The following TEAD1 variants were observed in gnomAD, a reference collection of about 807,000 sequenced individuals.
TEAD1 encodes the protein TEA domain transcription factor 1, also known as transcriptional enhancer factor TEF-1.
TEAD1 carries 9 observed loss-of-function variants against 54.9 expected under a neutral mutation model. The observed-to-expected ratio is 0.16, with a 90% confidence interval of 0.10 to 0.29. The LOEUF is 0.29. TEAD1 is among the 10% of genes least tolerant of loss of function. The pLI is 1.00. For synonymous variants in TEAD1, 200 were observed against 187.8 expected (o/e 1.07, Z -0.53); for missense variants, 387 against 535.9 (o/e 0.72, Z 2.74).
chr11:12,739,399 T>C (rs774224536), intron 2 of TEAD1, among the ~76,000 whole-genome samples: 3 of 152,202 alleles, frequency 2.0e-5, no homozygotes, highest in African/African-American at 4.8e-5. Flanking sequence ...CAGAACTCTT[T>C]TTATCTGCAA....
At chr11:12,886,153 T>A (rs959114749) in intron 9 of TEAD1, among the ~76,000 whole-genome samples, 1 of 152,226 alleles carries the variant, frequency 6.6e-6, no homozygotes, top group Non-Finnish European at 1.5e-5. Context: ...GTGATGAAGC[T>A]GAAGTGTATG....
At chr11:12,797,019 A>G (rs1198438769) in intron 3 of TEAD1, among the ~76,000 whole-genome samples, 1 of 152,166 alleles carries the variant, frequency 6.6e-6, no homozygotes, top group Non-Finnish European at 1.5e-5. Context: ...AGGCTGAGGC[A>G]GGAGAATGGC....
chr11:12,691,970 A>G (rs575548647), intron 2 of TEAD1, among the ~76,000 whole-genome samples: 4 of 152,304 alleles, frequency 2.6e-5, no homozygotes, highest in Admixed American at 6.5e-5. Context: ...TCACTAGTCT[A>G]TTATTTTTAT....
At position 12,807,877 on chromosome 11, in the gene TEAD1, G is replaced by A. The variant is rs183195165; in HGVS notation, c.202+43443G>A. Among the ~76,000 whole-genome samples the A allele has an allele frequency of 5.9e-5, 9 of 152,242 alleles. No homozygotes were observed. In the East Asian group the frequency reaches 1.5e-3, roughly 26 times the overall value. On this transcript the variant is annotated intron_variant, in intron 3 of 12. Coordinates refer to ENST00000527636, the MANE Select transcript of TEAD1 (RefSeq NM_021961.6). ...TGGGTGCTGTGGTTGCTGTGTCCCC[G>A]CCTTCCATCCTAGGTAGCAGATGGT... is the stretch of plus-strand genomic sequence containing the variant.
chr11:12,906,242 T>C (rs891251812), intron 10 of TEAD1, among the ~76,000 whole-genome samples: 5 of 152,136 alleles, frequency 3.3e-5, no homozygotes, highest in Non-Finnish European at 5.9e-5. Flanking sequence ...AGATCACTCA[T>C]GTTAAATGTA....
chr11:12,928,124 A>G (rs2581565), intron 11 of TEAD1, among the ~76,000 whole-genome samples: 120,524 of 152,096 alleles, frequency 0.79, 47,975 homozygotes, highest in East Asian at 0.97. Flanking sequence ...AGTTGTTGAC[A>G]TAACAAGTTA....
intron 3 of TEAD1, among the ~76,000 whole-genome samples, chr11:12,821,837 CAT>C (rs771422214): frequency 1.7e-4 from 26 of 151,932 alleles, no homozygotes; most frequent in Non-Finnish European, 2.2e-4. Flanking sequence ...ATGGAACACA[CAT>C]GTCAGCTCGT....
rs993148244 is a variant in TEAD1 at position 12,943,530 on chromosome 11, T to A, written c.*6308T>A. ...GCCGTAACTTCTTTTCCTCTGTGAA[T>A]TTGCATTGAGTCACTCATGCTACAC... is the stretch of plus-strand genomic sequence containing the variant. On this transcript the variant is annotated 3_prime_UTR_variant, in exon 13 of 13. Coordinates refer to ENST00000527636, the MANE Select transcript of TEAD1 (RefSeq NM_021961.6). 3 of 152,456 alleles carry A rather than the reference T, an allele frequency of 2.0e-5. No homozygotes were observed. The highest frequency in any genetic ancestry group is 2.0e-4 in the Admixed American group (3 of 15,290). The allele number at this position is 152,456 out of a possible 1,614,324, so 9.4% of individuals were successfully genotyped here.
At chr11:12,800,465 G>C (rs1432263008) in intron 3 of TEAD1, among the ~76,000 whole-genome samples, 1 of 152,162 alleles carries the variant, frequency 6.6e-6, no homozygotes, top group African/African-American at 2.4e-5. Flanking sequence ...ATACCAGCTG[G>C]GGAGACTGAC....
At chr11:12,808,312 A>T (rs1276643408) in intron 3 of TEAD1, among the ~76,000 whole-genome samples, 1 of 152,092 alleles carries the variant, frequency 6.6e-6, no homozygotes, top group Non-Finnish European at 1.5e-5. Flanking sequence ...AGGGCAGCAG[A>T]CTTTCCACCA....
At chr11:12,804,020 C>G (rs1946118604) in intron 3 of TEAD1, among the ~76,000 whole-genome samples, 1 of 152,090 alleles carries the variant, frequency 6.6e-6, no homozygotes, top group African/African-American at 2.4e-5. Context: ...TAATTAGATG[C>G]CTAAGTATGT....
intron 3 of TEAD1, among the ~76,000 whole-genome samples, chr11:12,803,175 C>T (rs1162283159): frequency 6.6e-6 from 1 of 151,982 alleles, no homozygotes; most frequent in South Asian, 2.1e-4. Context: ...TTTTTCCCCC[C>T]TTTCCCCGAG....
intron 10 of TEAD1, among the ~76,000 whole-genome samples, chr11:12,919,642 T>A (rs1459794966): frequency 6.6e-6 from 1 of 151,758 alleles, no homozygotes; most frequent in Non-Finnish European, 1.5e-5. Flanking sequence ...TACAGGCACA[T>A]GCCACCATGT....
At chr11:12,786,613 CAT>C (rs1347044123) in intron 3 of TEAD1, among the ~76,000 whole-genome samples, 2 of 152,194 alleles carry the variant, frequency 1.3e-5, no homozygotes, top group African/African-American at 4.8e-5. Flanking sequence ...ACCTCTGGGG[CAT>C]GGTTTCACAG....
chr11:12,817,764 C>T (rs1946446108), intron 3 of TEAD1, among the ~76,000 whole-genome samples: 1 of 152,196 alleles, frequency 6.6e-6, no homozygotes, highest in Non-Finnish European at 1.5e-5. Context: ...TAGCCCAGCA[C>T]ATGGACAGAG....
chr11:12,921,489 A>G (rs1589991466), intron 10 of TEAD1, among the ~76,000 whole-genome samples: 5 of 150,716 alleles, frequency 3.3e-5, no homozygotes, highest in Admixed American at 2.7e-4. Flanking sequence ...GCGGTGAGCC[A>G]AGATCGTGCC....
At chr11:12,861,961 G>T (rs1040722654) in intron 3 of TEAD1, among the ~76,000 whole-genome samples, 1 of 151,168 alleles carries the variant, frequency 6.6e-6, no homozygotes, top group Non-Finnish European at 1.5e-5. Context: ...ACTCCAGCCT[G>T]GGCAACAAGA....
At chr11:12,738,745 T>G (rs1944587260) in intron 2 of TEAD1, among the ~76,000 whole-genome samples, 1 of 152,212 alleles carries the variant, frequency 6.6e-6, no homozygotes, top group Non-Finnish European at 1.5e-5. Flanking sequence ...TAAGACAGCC[T>G]GGCATGTGGG....
At chr11:12,927,870 A>G (rs61392210) in intron 11 of TEAD1, among the ~76,000 whole-genome samples, 1,620 of 152,246 alleles carry the variant, frequency 0.011, 19 homozygotes, top group African/African-American at 0.037. Flanking sequence ...AAATTCTCAT[A>G]CTTAACTTTA....
Sources: allele counts gnomAD v4.1 joint callset (sites outside exome capture counted in the v4.1 genomes callset), GRCh38; gene constraint gnomAD v4.1.1; transcripts MANE v1.5; gene names NCBI Gene and HGNC (gene_info 2026-07-23, HGNC 2026-07-21).